USP9X: variants seen among roughly 807,000 people sequenced by gnomAD.
The protein encoded by USP9X is ubiquitin specific peptidase 9 X-linked, also known as ubiquitin carboxyl-terminal hydrolase 9X.
A neutral mutation model predicts 190.3 loss-of-function variants in USP9X; 7 were observed. The observed-to-expected ratio is 0.04, with a 90% CI of 0.02 to 0.07. The LOEUF is 0.07. Ranked by LOEUF, USP9X falls within the 10% of genes least tolerant of loss-of-function variation. USP9X has a pLI of 1.00. For synonymous variants in USP9X, 645 were observed against 659.5 expected, an observed-to-expected ratio of 0.98 and a Z score of 0.34; for missense variants, 1,010 against 1,916.9, an observed-to-expected ratio of 0.53 and a Z score of 8.83.
chrX:41,165,463 T>C (rs996898982), intron 15 of USP9X, among the ~76,000 whole-genome samples: 2 of 112,136 alleles, frequency 1.8e-5, no homozygotes, highest in Non-Finnish European at 3.8e-5. Flanking sequence ...TGACCTCAGG[T>C]GATCCGCCCA....
In USP9X at chrX:41,117,653, C is replaced by T. The variant is rs191868494; in HGVS notation, c.-158-5818C>T. 8.7e-5 allele frequency among the ~76,000 whole-genome samples: 9 copies of T among 103,083 alleles called. 1 individual carries two copies. In the East Asian group the frequency reaches 2.7e-3, roughly 31 times the overall value. The allele number at this position is 103,083 out of a possible 115,157, so 89.5% of individuals were successfully genotyped here. On this transcript the variant is annotated intron_variant, in intron 1 of 44. Coordinates refer to ENST00000378308, the MANE Select transcript of USP9X (RefSeq NM_001039591.3). ...AGTGCAGTGGTGCGACCTCGGCTCA[C>T]TGCAAGCTCTGCCTCCTGGGTTCAC...
intron 1 of USP9X, among the ~76,000 whole-genome samples, chrX:41,109,074 C>T (rs915858908): frequency 2.7e-5 from 3 of 111,926 alleles, no homozygotes; most frequent in Non-Finnish European, 5.6e-5. Context: ...AGTGGAGCTA[C>T]TGTCCTGCTG....
chrX:41,138,395 A>T (rs750459744), intron 6 of USP9X, among the ~76,000 whole-genome samples: 5 of 112,366 alleles, frequency 4.4e-5, no homozygotes, highest in African/African-American at 1.6e-4. Flanking sequence ...GACTTAGTCG[A>T]TGGAGATAAA....
chrX:41,210,755 T>G lies in USP9X; in HGVS notation c.5189+73T>G, dbSNP rs560766023. On this transcript the variant is annotated intron_variant, in intron 33 of 44. Coordinates refer to ENST00000378308, the MANE Select transcript of USP9X (RefSeq NM_001039591.3). ...CTAACAGAAATAAAATTTTTACTAG[T>G]ACTTACATACAAAAGTGGAGTATAT... 303 of 995,238 alleles carry G rather than the reference T, an allele frequency of 3.0e-4. 1 individual carries two copies. The South Asian group carries it at 6.4e-3, about 21-fold the overall frequency. 82.0% of individuals were successfully genotyped at this position (995,238 alleles called of 1,213,427 possible).
chrX:41,202,001 T>G (rs1415502947), intron 31 of USP9X, among the ~76,000 whole-genome samples: 1 of 112,547 alleles, frequency 8.9e-6, no homozygotes, highest in Non-Finnish European at 1.9e-5. Flanking sequence ...AATGTACTCG[T>G]GTTTTTTTGT....
At chrX:41,112,335 G>C (rs1389419212) in intron 1 of USP9X, among the ~76,000 whole-genome samples, 1 of 112,137 alleles carries the variant, frequency 8.9e-6, no homozygotes, top group African/African-American at 3.2e-5. Flanking sequence ...AATTTATAGA[G>C]AACAACAGAT....
chrX:41,120,688 C>T lies in USP9X; in HGVS notation c.-158-2783C>T, dbSNP rs532720215. Among the ~76,000 whole-genome samples the T allele has an allele frequency of 5.4e-5, 6 of 110,158 alleles. No homozygotes were observed. The South Asian group carries it at 1.2e-3, about 21-fold the overall frequency. On this transcript the variant is annotated intron_variant, in intron 1 of 44. Coordinates refer to ENST00000378308, the MANE Select transcript of USP9X (RefSeq NM_001039591.3). ...TAATTTTTTGTATTTTTAGTAGAGA[C>T]GGGGTTTCGCCATGTTAGCCAGGAT...
chrX:41,193,806 C>T (rs2062958659), intron 26 of USP9X, among the ~76,000 whole-genome samples: 2 of 111,634 alleles, frequency 1.8e-5, no homozygotes, highest in African/African-American at 6.5e-5. Flanking sequence ...GCCTGGGTGA[C>T]AGAGGGAAAC....
At chrX:41,147,516 C>T (rs761958075) in intron 11 of USP9X, among the ~76,000 whole-genome samples, 6 of 97,218 alleles carry the variant, frequency 6.2e-5, no homozygotes, top group Admixed American at 4.8e-4. Flanking sequence ...TGCAGTGGCG[C>T]GATCCCAGCT....
intron 44 of USP9X, 40 bp from the exon 45 acceptor site, chrX:41,232,347 G>A (rs1039095151): frequency 8.5e-7 from 1 of 1,182,411 alleles, no homozygotes; most frequent in Non-Finnish European, 1.1e-6. Flanking sequence ...GTTTTACTAT[G>A]TGAAAAGTTT....
chrX:41,199,971 T>A (rs913065017), intron 30 of USP9X, among the ~76,000 whole-genome samples: 23 of 111,685 alleles, frequency 2.1e-4, no homozygotes, highest in African/African-American at 7.5e-4. Context: ...ATATAAAATA[T>A]TAATAACAGA....
rs370995929 is a variant in USP9X at position 41,232,378 on chromosome X, C to G, written c.7528-9C>G. 2 of 1,199,584 alleles carry G rather than the reference C, an allele frequency of 1.7e-6. No homozygotes were observed. The highest frequency in any genetic ancestry group is 3.5e-5 in the African/African-American group (2 of 56,779). ...AGTTTTAACATACAGATCTTTTCTCCTTTCCCAGAATAACCATGTGCATGG... is the reference window on the plus strand; with the variant it reads ...AGTTTTAACATACAGATCTTTTCTCGTTTCCCAGAATAACCATGTGCATGG... On this transcript the variant is annotated splice_polypyrimidine_tract_variant and intron_variant, in intron 44 of 44. Transcript: ENST00000378308.
chrX:41,221,090 C>T (rs763671131), intron 38 of USP9X, among the ~76,000 whole-genome samples: 131 of 109,833 alleles, frequency 1.2e-3, no homozygotes, highest in African/African-American at 4.2e-3. Flanking sequence ...GGTGAAACCC[C>T]GTCTCTACTA....
chrX:41,187,280 C>G (rs146354597), intron 24 of USP9X, among the ~76,000 whole-genome samples: 1,340 of 112,335 alleles, frequency 0.012, 29 homozygotes, highest in African/African-American at 0.041. Flanking sequence ...TTTTTGTCTT[C>G]TGGAGTTTTA....
chrX:41,199,959 C>A (rs2063027578), intron 30 of USP9X, among the ~76,000 whole-genome samples: 1 of 111,066 alleles, frequency 9.0e-6, no homozygotes, highest in African/African-American at 3.3e-5. Context: ...AGGGCAAGGG[C>A]AATATAAAAT....
intron 21 of USP9X, among the ~76,000 whole-genome samples, chrX:41,182,087 T>C (rs1415313350): frequency 8.9e-6 from 1 of 112,212 alleles, no homozygotes; most frequent in Non-Finnish European, 1.9e-5. Flanking sequence ...TGCTTAGAAT[T>C]CACTACTTCT....
chrX:41,217,239 T>C lies in USP9X; in HGVS notation c.6105T>C (p.Pro2035=), dbSNP rs374464442. ...NPPPGQDHLL[P]EAEEITMISI... is the part of the protein sequence containing the mutation. ...TTATAGGGCAAGATCACCTGTTGCC[T>C]GAAGCAGAAGAAATCACTATGATCA... The change falls in exon 36 of 45, where the codon CCT becomes CCC. Residue 2035 remains proline, a synonymous_variant. Transcript: ENST00000378308. 149 of 1,205,320 alleles carry C rather than the reference T, an allele frequency of 1.2e-4. 1 individual carries two copies. The African/African-American group carries it at 2.3e-3, about 19-fold the overall frequency.
At chrX:41,133,339 C>A (rs1188113570) in intron 4 of USP9X, among the ~76,000 whole-genome samples, 1 of 111,035 alleles carries the variant, frequency 9.0e-6, no homozygotes, top group Non-Finnish European at 1.9e-5. Flanking sequence ...AAGAAAATAT[C>A]TTTTTTTATT....
intron 12 of USP9X, among the ~76,000 whole-genome samples, chrX:41,149,679 C>A (rs1384193307): frequency 9.2e-6 from 1 of 108,491 alleles, no homozygotes; most frequent in Non-Finnish European, 1.9e-5. Context: ...TGTTTATGGA[C>A]ATGAACATGT....
Sources: allele counts gnomAD v4.1 joint callset (sites outside exome capture counted in the v4.1 genomes callset), GRCh38; gene constraint gnomAD v4.1.1; transcripts MANE v1.5; gene names NCBI Gene and HGNC (gene_info 2026-07-23, HGNC 2026-07-21).